LRRC8D: variants seen among roughly 807,000 people sequenced by gnomAD.
LRRC8D encodes the protein leucine rich repeat containing 8 VRAC subunit D.
In LRRC8D, 20 loss-of-function variants were observed where a neutral mutation model predicts 55.8. The observed-to-expected ratio is 0.36, with a 90% confidence interval of 0.25 to 0.52. LRRC8D has a LOEUF of 0.52. Among genes scored for constraint, LRRC8D ranks in the 20% least tolerant of loss-of-function variants. The pLI, the probability that LRRC8D is intolerant of heterozygous loss-of-function variation, is 0.93. For missense variants in LRRC8D, 651 were observed against 1,030.8 expected, an observed-to-expected ratio of 0.63 and a Z score of 5.05; for synonymous variants, 352 against 377.0, an observed-to-expected ratio of 0.93 and a Z score of 0.77.
Position 89,934,746 on chromosome 1 carries a change from A to G in LRRC8D, c.1678A>G (p.Lys560Glu), listed in dbSNP as rs1418988705. The G allele has an allele frequency of 6.2e-7, 1 of 1,614,052 alleles. No homozygotes were observed. The highest frequency in any genetic ancestry group is 8.5e-7 in the Non-Finnish European group (1 of 1,180,042). Reference sequence around the variant, plus strand: ...AATTCCTGCCTGGGTGTATTTGCTCAAAAACCTTCGAGAGTTGTACTTAAT... The same window carrying G: ...AATTCCTGCCTGGGTGTATTTGCTCGAAAACCTTCGAGAGTTGTACTTAAT... ...AEIPAWVYLL[K>E]NLRELYLIGN... The change falls in exon 3 of 3, where the codon AAA (lysine) becomes GAA (glutamate). Residue 560 changes from lysine to glutamate, a missense_variant. Physicochemically the swap from Lys to Glu is moderately conservative, Grantham distance 56 (BLOSUM62 1). Around this residue, in one of 5 missense-constraint regions of LRRC8D, gnomAD observed 338 missense variants for 479.4 expected, o/e 0.71. Coordinates refer to ENST00000337338, the MANE Select transcript of LRRC8D (RefSeq NM_001134479.2). The surrounding 1 kb of genome is among the most constrained non-coding windows in gnomAD (Gnocchi z 5.9).
At chr1:89,868,220 ATATT>A (rs1661901209) in intron 2 of LRRC8D, among the ~76,000 whole-genome samples, 2 of 152,238 alleles carry the variant, frequency 1.3e-5, no homozygotes, top group Admixed American at 1.3e-4. Flanking sequence ...CTGGCACAAA[ATATT>A]TATTCTGGGT....
intron 2 of LRRC8D, among the ~76,000 whole-genome samples, chr1:89,920,697 GAAA>G (rs555845776): frequency 0.032 from 3,574 of 113,228 alleles, 137 homozygotes; most frequent in African/African-American, 0.096. Context: ...GGCCTATTGG[GAAA>G]AAAAAAAAAA....
At position 89,929,335 on chromosome 1, in the gene LRRC8D, T is replaced by G. The variant is rs183122993; in HGVS notation, c.-2-3732T>G. Among the ~76,000 whole-genome samples, 925 of 152,252 alleles carry G rather than the reference T, an allele frequency of 6.1e-3. 17 individuals carry two copies. Among genetic ancestry groups the G allele is most frequent in the Non-Finnish European group, 3.9e-3 (262 of 68,004 alleles). On this transcript the variant is annotated intron_variant, in intron 2 of 2. Transcript: ENST00000337338. ...AATCAAGGCAGAGGAAACAAAGTGT[T>G]GGAGAGGCTGAACACAAGGGAGAGA...
intron 1 of LRRC8D, among the ~76,000 whole-genome samples, chr1:89,829,488 C>G (rs567812113): frequency 2.6e-5 from 4 of 152,232 alleles, no homozygotes; most frequent in Non-Finnish European, 5.9e-5. Context: ...TATTTTAAAC[C>G]AGACTTTTTA....
At chr1:89,921,643 C>T (rs892662737) in intron 2 of LRRC8D, among the ~76,000 whole-genome samples, 1 of 152,166 alleles carries the variant, frequency 6.6e-6, no homozygotes, top group Admixed American at 6.5e-5. Flanking sequence ...CTCCCAACTT[C>T]AAGCAATTCT....
At chr1:89,838,282 G>A (rs1458036062) in intron 1 of LRRC8D, among the ~76,000 whole-genome samples, 1 of 152,054 alleles carries the variant, frequency 6.6e-6, no homozygotes, top group African/African-American at 2.4e-5. Context: ...GGCTAAGGTG[G>A]GAGGATTGGT....
chr1:89,921,610 T>A (rs926875975), intron 2 of LRRC8D, among the ~76,000 whole-genome samples: 2 of 152,148 alleles, frequency 1.3e-5, no homozygotes, highest in Non-Finnish European at 2.9e-5. Context: ...AATGGCACAA[T>A]CTCAGCTCAC....
At chr1:89,932,813 A>G (rs185397892) in intron 2 of LRRC8D, among the ~76,000 whole-genome samples, 2 of 152,304 alleles carry the variant, frequency 1.3e-5, no homozygotes, top group African/African-American at 4.8e-5. Flanking sequence ...CTAAGTAACC[A>G]CTATGGACTT....
chr1:89,825,684 T>C (rs912359605), intron 1 of LRRC8D, among the ~76,000 whole-genome samples: 2 of 152,232 alleles, frequency 1.3e-5, no homozygotes, highest in Non-Finnish European at 2.9e-5. Flanking sequence ...AACTTGCCGT[T>C]GATGTAAGTT....
At chr1:89,870,058 A>G (rs558193713) in intron 2 of LRRC8D, among the ~76,000 whole-genome samples, 2 of 152,150 alleles carry the variant, frequency 1.3e-5, no homozygotes, top group East Asian at 1.9e-4. Context: ...CAGTGAGCAA[A>G]GATTGCACCA....
At chr1:89,914,071 TG>T (rs1426146084) in intron 2 of LRRC8D, among the ~76,000 whole-genome samples, 2 of 152,260 alleles carry the variant, frequency 1.3e-5, no homozygotes, top group African/African-American at 2.4e-5. Flanking sequence ...AATTGTAATA[TG>T]TAACATCCTA....
Position 89,934,507 on chromosome 1 carries a change from C to T in LRRC8D, c.1439C>T (p.Ser480Leu), listed in dbSNP as rs780013792. ...DKQELHLFMLSGVPDAVFDLT... is the reference protein window; with the variant it reads ...DKQELHLFMLLGVPDAVFDLT... ...CAGGAGTTGCATCTGTTCATGCTGT[C>T]GGGGGTGCCCGATGCTGTCTTTGAC... is the stretch of plus-strand genomic sequence containing the variant. Residue 480 changes from serine to leucine, a missense_variant, in exon 3 of 3, where the codon TCG becomes TTG. Around this residue, in one of 5 missense-constraint regions of LRRC8D, gnomAD observed 338 missense variants for 479.4 expected, o/e 0.71. Transcript: ENST00000337338. The surrounding 1 kb of genome is among the most constrained non-coding windows in gnomAD (Gnocchi z 5.9). 7.4e-6 allele frequency: 12 copies of T among 1,614,124 alleles called. No homozygotes were observed. Among genetic ancestry groups the T allele is most frequent in the African/African-American group, 2.7e-5 (2 of 75,036 alleles).
intron 1 of LRRC8D, among the ~76,000 whole-genome samples, chr1:89,842,058 A>G (rs1255286243): frequency 6.6e-6 from 1 of 151,850 alleles, no homozygotes; most frequent in Non-Finnish European, 1.5e-5. Flanking sequence ...TAAAAATACA[A>G]AAAAATTAGC....
At chr1:89,824,866 T>C (rs774311344) in intron 1 of LRRC8D, among the ~76,000 whole-genome samples, 1 of 152,312 alleles carries the variant, frequency 6.6e-6, no homozygotes, top group East Asian at 1.9e-4. Flanking sequence ...GACCTAAGCA[T>C]AAATGTCTAC....
At chr1:89,903,704 C>T (rs1200414017) in intron 2 of LRRC8D, among the ~76,000 whole-genome samples, 1 of 152,166 alleles carries the variant, frequency 6.6e-6, no homozygotes, top group Non-Finnish European at 1.5e-5. Context: ...AGCATTATTA[C>T]ATCTGCTGCT....
intron 2 of LRRC8D, among the ~76,000 whole-genome samples, chr1:89,846,079 A>T (rs533394577): frequency 2.1e-3 from 321 of 152,186 alleles, no homozygotes; most frequent in Non-Finnish European, 2.7e-3. Context: ...GCACCCAGCC[A>T]CTGCCTCTAC....
chr1:89,826,542 G>A (rs983735218), intron 1 of LRRC8D, among the ~76,000 whole-genome samples: 6 of 152,138 alleles, frequency 3.9e-5, no homozygotes, highest in Admixed American at 6.5e-5. Context: ...ATGAGCCACC[G>A]CGCCTGGCTA....
intron 2 of LRRC8D, among the ~76,000 whole-genome samples, chr1:89,906,946 G>C (rs1663010195): frequency 6.6e-6 from 1 of 152,014 alleles, no homozygotes; most frequent in Non-Finnish European, 1.5e-5. Context: ...TGTAGAAAAG[G>C]AATAGGTCTG....
intron 2 of LRRC8D, among the ~76,000 whole-genome samples, chr1:89,885,894 C>T (rs867256871): frequency 3.0e-4 from 45 of 152,180 alleles, no homozygotes; most frequent in Non-Finnish European, 5.4e-4. Context: ...TCCTTTACAT[C>T]AGTTTTCATA....
Sources: allele counts gnomAD v4.1 joint callset (sites outside exome capture counted in the v4.1 genomes callset), GRCh38; gene constraint gnomAD v4.1.1; regional missense constraint gnomAD v4.1.1; non-coding constraint Gnocchi (gnomAD v3.1); transcripts MANE v1.5; gene names NCBI Gene and HGNC (gene_info 2026-07-23, HGNC 2026-07-21).